The following CAMK4 variants were observed in gnomAD, a reference collection of about 807,000 sequenced individuals.
The protein encoded by CAMK4 is calcium/calmodulin dependent protein kinase IV, also known as calcium/calmodulin-dependent protein kinase type IV.
In CAMK4, 22 loss-of-function variants were observed where a neutral mutation model predicts 44.9. That is an observed-to-expected ratio of 0.49 (90% confidence interval 0.35 to 0.70). The LOEUF is 0.70. CAMK4 is among the 30% of genes least tolerant of loss of function. CAMK4 has a pLI of 0.01. For missense variants in CAMK4, 498 were observed against 586.8 expected (o/e 0.85, Z 1.56); for synonymous variants, 218 against 215.4 (o/e 1.01, Z -0.11).
At chr5:111,284,043 C>T (rs996532785) in intron 1 of CAMK4, among the ~76,000 whole-genome samples, 15 of 152,210 alleles carry the variant, frequency 9.9e-5, no homozygotes, top group South Asian at 2.1e-4. Flanking sequence ...AACTTTATTA[C>T]GTAATTAAAA....
At chr5:111,404,858 T>C (rs535232564) in intron 5 of CAMK4, among the ~76,000 whole-genome samples, 3 of 152,332 alleles carry the variant, frequency 2.0e-5, no homozygotes, top group African/African-American at 4.8e-5. Flanking sequence ...ATATATAAAA[T>C]ATTATTTTGA....
chr5:111,285,877 A>C (rs541499764), intron 1 of CAMK4, among the ~76,000 whole-genome samples: 103 of 152,292 alleles, frequency 6.8e-4, no homozygotes, highest in Non-Finnish European at 1.3e-3. Flanking sequence ...GTTGTCATCC[A>C]TTTCTCTGAT....
chr5:111,257,747 A>G (rs564703883), intron 1 of CAMK4, among the ~76,000 whole-genome samples: 22 of 152,382 alleles, frequency 1.4e-4, no homozygotes, highest in African/African-American at 5.3e-4. Context: ...GAATCAACCC[A>G]GATGCCCATC....
intron 1 of CAMK4, among the ~76,000 whole-genome samples, chr5:111,273,514 T>G (rs2112586197): frequency 6.6e-6 from 1 of 151,246 alleles, no homozygotes; most frequent in African/African-American, 2.4e-5. Context: ...TTAGTCTAAT[T>G]TTTAATTTAA....
intron 1 of CAMK4, among the ~76,000 whole-genome samples, chr5:111,273,675 ATT>A (rs1371960046): frequency 1.6e-4 from 13 of 79,482 alleles, no homozygotes; most frequent in East Asian, 3.9e-4. Flanking sequence ...TAAAAAATGC[ATT>A]TATATATATA....
rs1755598198 is a variant in CAMK4 at position 111,485,880 on chromosome 5, G to A, written c.*1414G>A. 1 of 152,040 alleles carries A rather than the reference G, an allele frequency of 6.6e-6. No individual in the cohort carries two copies. Among genetic ancestry groups the A allele is most frequent in the African/African-American group, 2.4e-5 (1 of 41,406 alleles). The allele number at this position is 152,040 out of a possible 1,614,324, so 9.4% of individuals were successfully genotyped here. ...TTGCACTATCTCCAATTTATTTCTA[G>A]TTTGAGTTGAAATGAATATTTTATC... On this transcript the variant is annotated 3_prime_UTR_variant, in exon 11 of 11. Transcript: ENST00000282356.
chr5:111,436,083 C>T (rs777462653), intron 5 of CAMK4, among the ~76,000 whole-genome samples: 9 of 151,982 alleles, frequency 5.9e-5, no homozygotes, highest in Non-Finnish European at 1.0e-4. Context: ...AAATAATAAC[C>T]ATTCACTTAA....
intron 3 of CAMK4, among the ~76,000 whole-genome samples, chr5:111,376,493 C>G (rs909753817): frequency 3.3e-5 from 5 of 152,114 alleles, no homozygotes; most frequent in African/African-American, 9.7e-5. Context: ...TTTTGTACCT[C>G]TAGCCACCTT....
Position 111,355,187 on chromosome 5 carries a change from A to G in CAMK4, c.240+11085A>G, listed in dbSNP as rs528600628. Among the ~76,000 whole-genome samples, 59 of 152,280 alleles carry G rather than the reference A, an allele frequency of 3.9e-4. 1 individual carries two copies. Among genetic ancestry groups the G allele is most frequent in the African/African-American group, 1.3e-3 (54 of 41,578 alleles). On this transcript the variant is annotated intron_variant, in intron 2 of 10. Coordinates refer to ENST00000282356, the MANE Select transcript of CAMK4 (RefSeq NM_001744.6). ...AGCTTTCAGACAATGAGCCGTGTCA[A>G]GTGAAGTGAAACTTCTTCAAGGATT...
At chr5:111,406,285 A>G (rs1412857180) in intron 5 of CAMK4, among the ~76,000 whole-genome samples, 2 of 150,458 alleles carry the variant, frequency 1.3e-5, no homozygotes, top group Non-Finnish European at 2.9e-5. Flanking sequence ...CAGTGGTGTG[A>G]TATTTTGGCT....
intron 5 of CAMK4, among the ~76,000 whole-genome samples, chr5:111,395,337 A>G (rs959820137): frequency 6.6e-6 from 1 of 152,028 alleles, no homozygotes; most frequent in African/African-American, 2.4e-5. Flanking sequence ...ATATAATGCC[A>G]TAAGTGTGTT....
intron 4 of CAMK4, among the ~76,000 whole-genome samples, chr5:111,380,350 T>G (rs1398952087): frequency 6.6e-6 from 1 of 152,130 alleles, no homozygotes; most frequent in African/African-American, 2.4e-5. Context: ...TCCTAAAGAA[T>G]TTTATTTTTA....
At chr5:111,446,614 A>G (rs1381157058) in intron 5 of CAMK4, 72 bp from the exon 6 acceptor site, 1 of 781,040 alleles carries the variant, frequency 1.3e-6, no homozygotes, top group Non-Finnish European at 2.1e-6. Flanking sequence ...ATAGTTCTTA[A>G]AAGATTAAGT....
intron 5 of CAMK4, among the ~76,000 whole-genome samples, chr5:111,411,479 A>T (rs1299478380): frequency 6.6e-6 from 1 of 152,228 alleles, no homozygotes; most frequent in Non-Finnish European, 1.5e-5. Flanking sequence ...GATTGCTCCA[A>T]ATTATTCAGA....
intron 5 of CAMK4, among the ~76,000 whole-genome samples, chr5:111,442,617 A>C (rs541990282): frequency 6.7e-6 from 1 of 150,214 alleles, no homozygotes; most frequent in Non-Finnish European, 1.5e-5. Context: ...GACAATGCAG[A>C]AGCAAATATG....
intron 4 of CAMK4, among the ~76,000 whole-genome samples, chr5:111,394,397 G>A (rs1230636287): frequency 1.3e-5 from 2 of 152,116 alleles, no homozygotes; most frequent in African/African-American, 4.8e-5. Flanking sequence ...TTACATGGGG[G>A]TGTTTCATTG....
rs910270501 is a variant in CAMK4, at chr5:111,491,157, T to A, written c.*6691T>A. 9 of 152,134 alleles carry A rather than the reference T, an allele frequency of 5.9e-5. No homozygotes were observed. The highest frequency in any genetic ancestry group is 1.2e-4 in the Non-Finnish European group (8 of 68,022). The allele number at this position is 152,134 out of a possible 1,614,324, so 9.4% of individuals were successfully genotyped here. A position where few individuals can be genotyped will look rare whatever the true frequency, so the allele number is the denominator to read the frequency against. On this transcript the variant is annotated 3_prime_UTR_variant, in exon 11 of 11. Coordinates refer to ENST00000282356, the MANE Select transcript of CAMK4 (RefSeq NM_001744.6). Reference sequence around the variant, plus strand: ...AGAACTGAACTCAAATCTCCAAAAATTTTTCAGAACTCAAGCAACCAATGA... The same window carrying A: ...AGAACTGAACTCAAATCTCCAAAAAATTTTCAGAACTCAAGCAACCAATGA...
At chr5:111,359,108 G>A (rs1224558962) in intron 2 of CAMK4, among the ~76,000 whole-genome samples, 2 of 152,092 alleles carry the variant, frequency 1.3e-5, no homozygotes, top group East Asian at 3.9e-4. Context: ...TGGGATTGCT[G>A]AGTTGAATGG....
At chr5:111,480,238 A>G (rs1316789125) in intron 9 of CAMK4, among the ~76,000 whole-genome samples, 3 of 140,060 alleles carry the variant, frequency 2.1e-5, no homozygotes, top group African/African-American at 8.1e-5. Context: ...TCCATTACAC[A>G]TAGGCATGTA....
Sources: gnomAD v4.1 joint callset for allele counts (sites outside exome capture counted in the v4.1 genomes callset) on GRCh38, gnomAD v4.1.1 for gene constraint, MANE v1.5 for transcripts, NCBI Gene and HGNC (gene_info 2026-07-23, HGNC 2026-07-21) for gene names.